TBC1D15: variants seen among roughly 807,000 people sequenced by gnomAD.
TBC1D15 encodes TBC1 domain family member 15.
Under a neutral mutation model 95.4 loss-of-function variants are expected in TBC1D15, and 39 were observed. That is an observed-to-expected ratio of 0.41 (90% confidence interval 0.32 to 0.53). The LOEUF is 0.53. Ranked by LOEUF, TBC1D15 falls within the 20% of genes least tolerant of loss-of-function variation. The probability of loss-of-function intolerance (pLI) is 0.29; values close to 1 mark genes in which losing one functional copy is unlikely to be tolerated. For synonymous variants in TBC1D15, 258 were observed against 261.3 expected (o/e 0.99, Z 0.12); for missense variants, 733 against 794.3 (o/e 0.92, Z 0.93).
chr12:71,866,068 A>T (rs904160833), intron 1 of TBC1D15, among the ~76,000 whole-genome samples: 1 of 152,012 alleles, frequency 6.6e-6, no homozygotes, highest in Non-Finnish European at 1.5e-5. Flanking sequence ...GGGTGAGGGC[A>T]AGTGTACGTG....
At chr12:71,880,881 T>G (rs1894994828) in intron 4 of TBC1D15, among the ~76,000 whole-genome samples, 1 of 152,256 alleles carries the variant, frequency 6.6e-6, no homozygotes, top group Non-Finnish European at 1.5e-5. Context: ...CTGTCCTTCA[T>G]GCACATTTTT....
intron 3 of TBC1D15, among the ~76,000 whole-genome samples, chr12:71,877,109 C>A (rs2138396931): frequency 6.6e-6 from 1 of 151,872 alleles, no homozygotes; most frequent in South Asian, 2.1e-4. Flanking sequence ...CTGTGCCTGG[C>A]TGTTTTTGAA....
At chr12:71,902,034 G>A (rs529411289) in intron 10 of TBC1D15, among the ~76,000 whole-genome samples, 17 of 152,176 alleles carry the variant, frequency 1.1e-4, no homozygotes, top group East Asian at 3.9e-4. Context: ...AGCTAACCAG[G>A]GAGGTGAAAG....
At chr12:71,866,384 G>A (rs1891515044) in intron 1 of TBC1D15, among the ~76,000 whole-genome samples, 1 of 152,224 alleles carries the variant, frequency 6.6e-6, no homozygotes, top group African/African-American at 2.4e-5. Context: ...GAGGACTGCA[G>A]GGACTGGTGA....
chr12:71,863,113 T>C (rs369490866), intron 1 of TBC1D15, among the ~76,000 whole-genome samples: 14 of 152,304 alleles, frequency 9.2e-5, no homozygotes, highest in African/African-American at 2.6e-4. Context: ...GTGTGGTGGT[T>C]CACGCCTACA....
chr12:71,872,992 T>A lies in TBC1D15; in HGVS notation c.193T>A (p.Tyr65Asn). The A allele has an allele frequency of 1.2e-6, 2 of 1,604,598 alleles. No homozygotes were observed. The highest frequency in any genetic ancestry group is 2.2e-5 in the South Asian group (2 of 89,448). ...TGCATTAGATTCCTCTAGTATTCTC[T>A]ATGCTAGAAAGGTATTTAAGAAAAA... ...DDALDSSSIL[Y>N]ARKDSSSVVE... is the part of the protein sequence containing the mutation. The change falls in exon 3 of 17, where the codon TAT becomes AAT. Residue 65 changes from tyrosine (Y) to asparagine (N), a missense_variant. Tyr to Asn is a moderately radical substitution (Grantham distance 143). Transcript: ENST00000485960.
At chr12:71,842,713 C>G (rs1268217782) in intron 1 of TBC1D15, among the ~76,000 whole-genome samples, 2 of 151,636 alleles carry the variant, frequency 1.3e-5, no homozygotes, top group African/African-American at 2.4e-5. Flanking sequence ...TGCCTGTTGT[C>G]CCAGCTACTT....
intron 5 of TBC1D15, among the ~76,000 whole-genome samples, chr12:71,889,882 A>T (rs2138621237): frequency 6.6e-6 from 1 of 152,300 alleles, no homozygotes; most frequent in Admixed American, 6.5e-5. Context: ...TATAAGTGAG[A>T]ACATGTAGTA....
At chr12:71,846,372 T>C (rs990088354) in intron 1 of TBC1D15, among the ~76,000 whole-genome samples, 1 of 152,234 alleles carries the variant, frequency 6.6e-6, no homozygotes, top group Non-Finnish European at 1.5e-5. Context: ...TTTTGTAGTA[T>C]TTTTACACTT....
At chr12:71,857,643 T>C (rs531585576) in intron 1 of TBC1D15, among the ~76,000 whole-genome samples, 53 of 152,238 alleles carry the variant, frequency 3.5e-4, no homozygotes, top group Non-Finnish European at 6.0e-4. Flanking sequence ...TATATGTATA[T>C]AATGTGTAAT....
Position 71,893,233 on chromosome 12 carries a change from A to G in TBC1D15, c.566A>G (p.Asp189Gly), listed in dbSNP as rs1566024857. 3.7e-6 allele frequency: 6 copies of G among 1,605,000 alleles called. No homozygotes were observed. The highest frequency in any genetic ancestry group is 4.3e-6 in the Non-Finnish European group (5 of 1,175,812). Residue 189 changes from aspartate to glycine, a missense_variant, in exon 6 of 17, where the codon GAT becomes GGT. Physicochemically the swap from Asp to Gly is moderately conservative, Grantham distance 94. Coordinates refer to ENST00000485960, the MANE Select transcript of TBC1D15 (RefSeq NM_001146213.3). ...CTTTTTTATTATAGATCTCCACAGGATAAAAGAACACTTCTTGTGAATTGT... is the reference window on the plus strand; with the variant it reads ...CTTTTTTATTATAGATCTCCACAGGGTAAAAGAACACTTCTTGTGAATTGT... ...KYVVLCESPQ[D>G]KRTLLVNCQN...
At chr12:71,845,091 A>G (rs1333326657) in intron 1 of TBC1D15, among the ~76,000 whole-genome samples, 1 of 152,262 alleles carries the variant, frequency 6.6e-6, no homozygotes, top group East Asian at 1.9e-4. Context: ...TAGATGGAAC[A>G]GAATACACCT....
chr12:71,847,755 A>ATG (rs949451478), intron 1 of TBC1D15, among the ~76,000 whole-genome samples: 6 of 151,922 alleles, frequency 3.9e-5, no homozygotes, highest in African/African-American at 1.5e-4. Flanking sequence ...TTATCTAGTC[A>ATG]TGTGTTTGAT....
chr12:71,891,509 G>C (rs1476043254), intron 5 of TBC1D15, among the ~76,000 whole-genome samples: 1 of 152,110 alleles, frequency 6.6e-6, no homozygotes, highest in Non-Finnish European at 1.5e-5. Flanking sequence ...AAACATTCTG[G>C]TAATATTTTG....
chr12:71,920,490 A>G (rs918437286), intron 14 of TBC1D15, among the ~76,000 whole-genome samples: 1 of 152,184 alleles, frequency 6.6e-6, no homozygotes, highest in Non-Finnish European at 1.5e-5. Flanking sequence ...TTTACTTACT[A>G]TAGTTACCTT....
At chr12:71,904,665 T>C (rs1190081297) in intron 10 of TBC1D15, among the ~76,000 whole-genome samples, 1 of 152,144 alleles carries the variant, frequency 6.6e-6, no homozygotes, top group African/African-American at 2.4e-5. Flanking sequence ...AACTCATTTA[T>C]AGTGTTAGGA....
intron 4 of TBC1D15, 61 bp from the exon 5 acceptor site, chr12:71,884,750 A>G: frequency 1.3e-6 from 2 of 1,510,870 alleles, no homozygotes; most frequent in Non-Finnish European, 1.8e-6. Flanking sequence ...CATGGAGAGC[A>G]CTGTCAGTAC....
chr12:71,869,375 T>C (rs1002378034), intron 1 of TBC1D15, among the ~76,000 whole-genome samples: 10 of 152,004 alleles, frequency 6.6e-5, no homozygotes, highest in African/African-American at 2.4e-4. Flanking sequence ...ACAGAAAAAT[T>C]AGTCGGGCAT....
At chr12:71,888,294 G>A (rs746311889) in intron 5 of TBC1D15, among the ~76,000 whole-genome samples, 3 of 151,958 alleles carry the variant, frequency 2.0e-5, no homozygotes, top group Non-Finnish European at 4.4e-5. Flanking sequence ...GACCAGCCTC[G>A]CCAACATGGT....
Sources: allele counts gnomAD v4.1 joint callset (sites outside exome capture counted in the v4.1 genomes callset), GRCh38; gene constraint gnomAD v4.1.1; transcripts MANE v1.5; gene names NCBI Gene and HGNC (gene_info 2026-07-23, HGNC 2026-07-21).